NOX4: variants seen among roughly 807,000 people sequenced by gnomAD.
NOX4 encodes kidney oxidase-1.
A neutral mutation model predicts 87.6 loss-of-function variants in NOX4; 69 were observed. The observed-to-expected ratio is 0.79, with a 90% CI of 0.65 to 0.96. The LOEUF is 0.96. NOX4 is among the 40% of genes least tolerant of loss of function. The pLI is 0.00. For synonymous variants in NOX4, 275 were observed against 238.2 expected (o/e 1.15, Z -1.42); for missense variants, 680 against 681.5 (o/e 1.00, Z 0.02).
chr11:89,579,413 G>C, the NOX4 span, among the ~76,000 whole-genome samples: 4 of 152,202 alleles, frequency 2.6e-5, no homozygotes, highest in South Asian at 6.2e-4. Context: ...GGGACAGAGA[G>C]TGTGTGGGAA....
chr11:89,406,660 T>C (rs1230474621), intron 8 of NOX4, among the ~76,000 whole-genome samples: 1 of 152,112 alleles, frequency 6.6e-6, no homozygotes, highest in African/African-American at 2.4e-5. Context: ...ATGACCAACA[T>C]AGTAACTATT....
the NOX4 span, among the ~76,000 whole-genome samples, chr11:89,534,298 A>G: frequency 5.9e-3 from 892 of 152,362 alleles, 10 homozygotes; most frequent in African/African-American, 0.02. Context: ...AATGTCAGAA[A>G]CAAGAGATTT....
chr11:89,389,668 G>A (rs1940984624), intron 11 of NOX4, among the ~76,000 whole-genome samples: 1 of 152,038 alleles, frequency 6.6e-6, no homozygotes, highest in Admixed American at 6.6e-5. Flanking sequence ...ACTTATTTTT[G>A]TTTTCTGACT....
At chr11:89,342,462 A>C (rs1946046728) in intron 13 of NOX4, among the ~76,000 whole-genome samples, 1 of 152,080 alleles carries the variant, frequency 6.6e-6, no homozygotes, top group African/African-American at 2.4e-5. Flanking sequence ...TGATCATGCC[A>C]GGTAGCTAAG....
At chr11:89,499,771 A>G (rs1017509733), upstream of NOX4, among the ~76,000 whole-genome samples, 3 of 152,194 alleles carry the variant, frequency 2.0e-5, no homozygotes, top group African/African-American at 4.8e-5. Context: ...CCAGTCAAAG[A>G]AACTGTGGAA....
Position 89,354,635 on chromosome 11 carries a change from AT to A in NOX4, c.1217+326del, listed in dbSNP as rs1937864984. Among the ~76,000 whole-genome samples, 10 of 152,334 alleles carry A rather than the reference AT, an allele frequency of 6.6e-5. 1 individual carries two copies. The South Asian group carries it at 2.1e-3, about 32-fold the overall frequency. ...TAAAGGACAGTAAATAGAAAACCAGATGAGGCATCACTGACAAAATACTGTC... is the reference window on the plus strand; with the variant it reads ...TAAAGGACAGTAAATAGAAAACCAGAGAGGCATCACTGACAAAATACTGTC... On this transcript the variant is annotated intron_variant, in intron 13 of 17. Transcript: ENST00000263317.
chr11:89,470,747 A>C (rs1945897326), intron 2 of NOX4, among the ~76,000 whole-genome samples: 1 of 152,128 alleles, frequency 6.6e-6, no homozygotes, highest in South Asian at 2.1e-4. Flanking sequence ...CCCAACTTAT[A>C]TTCCAAGTCA....
chr11:89,388,468 T>C (rs1397047431), intron 11 of NOX4, among the ~76,000 whole-genome samples: 1 of 152,168 alleles, frequency 6.6e-6, no homozygotes, highest in Admixed American at 6.5e-5. Context: ...CAGGACACTA[T>C]AAGCTATCAT....
chr11:89,412,424 G>C (rs1942528186), intron 8 of NOX4, among the ~76,000 whole-genome samples: 1 of 151,996 alleles, frequency 6.6e-6, no homozygotes, highest in Non-Finnish European at 1.5e-5. Flanking sequence ...TAACAAAAAA[G>C]TCTCAAAACA....
chr11:89,448,866 G>A (rs1215700736), intron 4 of NOX4, among the ~76,000 whole-genome samples: 3 of 152,096 alleles, frequency 2.0e-5, no homozygotes, highest in Non-Finnish European at 2.9e-5. Flanking sequence ...CTGGGCAACA[G>A]TGCCAGGCCC....
the NOX4 span, among the ~76,000 whole-genome samples, chr11:89,538,301 G>T: frequency 6.6e-6 from 1 of 152,154 alleles, no homozygotes; most frequent in Non-Finnish European, 1.5e-5. Context: ...AGGTTAATCT[G>T]ATAAGAGCTA....
At chr11:89,352,117 G>A (rs1367792288) in intron 13 of NOX4, among the ~76,000 whole-genome samples, 1 of 152,104 alleles carries the variant, frequency 6.6e-6, no homozygotes, top group Non-Finnish European at 1.5e-5. Context: ...GGTTGCAGGG[G>A]GGCTAGGAAG....
Position 89,392,545 on chromosome 11 carries a change from A to G in NOX4, c.1074+7472T>C, listed in dbSNP as rs1941203544. On this transcript the variant is annotated intron_variant, in intron 11 of 17. Coordinates refer to ENST00000263317, the MANE Select transcript of NOX4 (RefSeq NM_016931.5). The stretch of plus-strand genomic sequence containing the variant: ...TTATTTCCACACTTCGAGATTCCAC[A>G]GGGGGAAAGAACAAACCTTTCATTT... 2.0e-5 allele frequency among the ~76,000 whole-genome samples: 3 copies of G among 152,170 alleles called. No individual in the cohort carries two copies. The South Asian group carries it at 6.2e-4, about 32-fold the overall frequency.
At chr11:89,420,732 T>C (rs1207824579) in intron 8 of NOX4, among the ~76,000 whole-genome samples, 3 of 152,204 alleles carry the variant, frequency 2.0e-5, no homozygotes, top group Non-Finnish European at 4.4e-5. Context: ...AACAAAGGTC[T>C]GAACCTTTCT....
chr11:89,565,423 T>A, the NOX4 span, among the ~76,000 whole-genome samples: 8 of 152,170 alleles, frequency 5.3e-5, no homozygotes, highest in Admixed American at 3.9e-4. Context: ...AGATACATAA[T>A]CATGTATTTT....
chr11:89,467,390 TTTTTA>T (rs1229867939), intron 2 of NOX4, among the ~76,000 whole-genome samples: 2 of 151,378 alleles, frequency 1.3e-5, no homozygotes, highest in East Asian at 1.9e-4. Context: ...TGTCTTTATC[TTTTTA>T]TTTTATTTTA....
intron 12 of NOX4, among the ~76,000 whole-genome samples, chr11:89,356,366 G>C (rs1457174162): frequency 2.0e-5 from 3 of 150,870 alleles, no homozygotes; most frequent in Admixed American, 6.6e-5. Context: ...GTAAACTTCA[G>C]TGCATATGAA....
At chr11:89,440,665 A>G (rs1371239856) in intron 6 of NOX4, 23 bp downstream of exon 6, 5 of 1,523,092 alleles carry the variant, frequency 3.3e-6, no homozygotes, top group Non-Finnish European at 4.5e-6. Flanking sequence ...AACCTAAAGA[A>G]AAGGCTAAGA....
intron 13 of NOX4, among the ~76,000 whole-genome samples, chr11:89,345,617 T>C (rs539510643): frequency 7.9e-5 from 12 of 152,306 alleles, no homozygotes; most frequent in African/African-American, 2.2e-4. Flanking sequence ...CCAGTGTCTA[T>C]TGTTTCCATC....
Sources: allele counts gnomAD v4.1 joint callset (sites outside exome capture counted in the v4.1 genomes callset), GRCh38; gene constraint gnomAD v4.1.1; transcripts MANE v1.5; gene names NCBI Gene and HGNC (gene_info 2026-07-23, HGNC 2026-07-21).